Variants in DLEU7 observed in about 807,000 individuals in gnomAD.
DLEU7 encodes deleted in lymphocytic leukemia 7, also known as leukemia-associated protein 7.
DLEU7 carries 17 observed loss-of-function variants against 16.0 expected under a neutral mutation model. That is an observed-to-expected ratio of 1.06 (90% CI 0.73 to 1.59). The LOEUF is 1.59. Among genes scored for constraint, DLEU7 ranks in the 40% most tolerant of loss-of-function variants. The pLI is 0.00. For synonymous variants in DLEU7, 113 were observed against 139.8 expected (o/e 0.81, Z 1.35); for missense variants, 308 against 314.9 (o/e 0.98, Z 0.17).
chr13:50,776,707 T>A (rs1875507240), intron 1 of DLEU7, among the ~76,000 whole-genome samples: 1 of 152,200 alleles, frequency 6.6e-6, no homozygotes, highest in Admixed American at 6.5e-5. Context: ...TTTATCTCAC[T>A]CTTTAAAGAG....
intron 1 of DLEU7, among the ~76,000 whole-genome samples, chr13:50,835,256 A>G (rs1225942094): frequency 6.6e-6 from 1 of 152,236 alleles, no homozygotes; most frequent in African/African-American, 2.4e-5. Flanking sequence ...TGCCAGGTGC[A>G]GTAATGGCTC....
downstream of DLEU7, among the ~76,000 whole-genome samples, chr13:50,820,153 G>A (rs1876853197): frequency 6.6e-6 from 1 of 152,152 alleles, no homozygotes; most frequent in Non-Finnish European, 1.5e-5. Flanking sequence ...CAGTGAGACA[G>A]TCATCAGGAG....
At chr13:50,790,922 A>G (rs1875938760) in intron 1 of DLEU7, among the ~76,000 whole-genome samples, 1 of 152,164 alleles carries the variant, frequency 6.6e-6, no homozygotes, top group Non-Finnish European at 1.5e-5. Flanking sequence ...GAATAAGCTC[A>G]CTTCGGCTAT....
chr13:50,725,479 A>C (rs1160949973), intron 1 of DLEU7, among the ~76,000 whole-genome samples: 4 of 152,190 alleles, frequency 2.6e-5, no homozygotes, highest in African/African-American at 9.7e-5. Context: ...GGTCTGCCTC[A>C]GGTCTGAGCC....
intron 1 of DLEU7, among the ~76,000 whole-genome samples, chr13:50,762,207 A>AAAAAG (rs1566242431): frequency 1.6e-4 from 24 of 150,664 alleles, no homozygotes; most frequent in African/African-American, 4.7e-4. Flanking sequence ...AAAAAAAAAA[A>AAAAAG]AAAAGAAAAG....
chr13:50,808,406 A>G (rs1876458620), intron 1 of DLEU7: 1 of 152,204 alleles, frequency 6.6e-6, no homozygotes, highest in African/African-American at 2.4e-5. Flanking sequence ...ATTTAAGTAT[A>G]TATACTTATA....
chr13:50,724,234 G>T (rs1389901935), intron 1 of DLEU7, among the ~76,000 whole-genome samples: 1 of 152,152 alleles, frequency 6.6e-6, no homozygotes, highest in African/African-American at 2.4e-5. Context: ...GATGATAGTT[G>T]CTATCACTCT....
In DLEU7 at chr13:50,843,177, G is replaced by A; in HGVS notation, c.459+11C>T. On this transcript the variant is annotated intron_variant, in intron 1 of 1. Transcript: ENST00000504404. The surrounding 1 kb of genome is among the most constrained non-coding windows in gnomAD (Gnocchi z 5.7). ...CTGCACGCCAGAGGGGATGGCGGGG[G>A]CCAGACTCACCTTCAGGTGAATGGG... 1.3e-6 allele frequency: 2 copies of A among 1,587,628 alleles called. No individual in the cohort carries two copies. The highest frequency in any genetic ancestry group is 1.7e-6 in the Non-Finnish European group (2 of 1,168,352).
At chr13:50,743,174 A>AAGGCAGGCAGGCAGGC (rs376860642) in intron 1 of DLEU7, among the ~76,000 whole-genome samples, 1 of 129,444 alleles carries the variant, frequency 7.7e-6, no homozygotes, top group South Asian at 2.3e-4. Flanking sequence ...GAGAAAGAAA[A>AAGGCAGGCAGGCAGGC]AGGCAGGCAG....
chr13:50,762,269 C>A (rs990531035), intron 1 of DLEU7, among the ~76,000 whole-genome samples: 6 of 150,192 alleles, frequency 4.0e-5, no homozygotes, highest in African/African-American at 1.5e-4. Context: ...ATGTTTAGTT[C>A]TGTGTCTTCC....
In DLEU7 at chr13:50,843,057, C is replaced by G; in HGVS notation, c.459+131G>C. On this transcript the variant is annotated intron_variant, in intron 1 of 1. Transcript: ENST00000504404. This position sits in a 1 kb window ranked among gnomAD's most constrained non-coding sequence, Gnocchi z 5.7. The stretch of plus-strand genomic sequence containing the variant: ...GTCCCCCGCCCCCTTCCTTCTCCCA[C>G]TGGGGCTGAATCACAGTGGGCAGCA... 1.0e-6 allele frequency: 1 copy of G among 960,862 alleles called. No individual in the cohort carries two copies. The highest frequency in any genetic ancestry group is 3.3e-5 in the East Asian group (1 of 30,378). The allele number at this position is 960,862 out of a possible 1,614,324, so 59.5% of individuals were successfully genotyped here. A position where few individuals can be genotyped will look rare whatever the true frequency, so the allele number is the denominator to read the frequency against.
chr13:50,789,384 GTTTC>G (rs1381698466), intron 1 of DLEU7, among the ~76,000 whole-genome samples: 1 of 147,286 alleles, frequency 6.8e-6, no homozygotes, highest in African/African-American at 2.5e-5. Flanking sequence ...CAGTGTGAAT[GTTTC>G]TTTTTCTTTA....
intron 1 of DLEU7, among the ~76,000 whole-genome samples, chr13:50,815,097 G>A (rs1363925815): frequency 6.6e-6 from 1 of 152,046 alleles, no homozygotes; most frequent in Non-Finnish European, 1.5e-5. Context: ...TTTTTCACTT[G>A]TGACACAGGT....
chr13:50,718,964 A>C (rs937472696), intron 1 of DLEU7, among the ~76,000 whole-genome samples: 1 of 152,198 alleles, frequency 6.6e-6, no homozygotes. Flanking sequence ...TTCTGTAATG[A>C]GGTCTTCCCA....
At chr13:50,719,766 CAAGTTA>C (rs1873543955) in intron 1 of DLEU7, 1 of 152,152 alleles carries the variant, frequency 6.6e-6, no homozygotes, top group African/African-American at 2.4e-5. Context: ...GTTTAGTTAG[CAAGTTA>C]GAACTGTCTC....
intron 1 of DLEU7, among the ~76,000 whole-genome samples, chr13:50,753,194 A>T (rs1874633532): frequency 6.6e-6 from 1 of 152,186 alleles, no homozygotes; most frequent in African/African-American, 2.4e-5. Context: ...CCTTAGCTAG[A>T]CATAAAGGTT....
chr13:50,823,262 C>T lies in DLEU7; in HGVS notation c.*52G>A. On this transcript the variant is annotated 3_prime_UTR_variant, in exon 2 of 2. Transcript: ENST00000504404. The stretch of plus-strand genomic sequence containing the variant: ...TGACTCAATTAGGAAGGTAAGGTAT[C>T]TGGTTCTCTTAACAGTGCTGGCTGT... The T allele has an allele frequency of 6.5e-7, 1 of 1,528,172 alleles. No individual in the cohort carries two copies. The highest frequency in any genetic ancestry group is 8.8e-7 in the Non-Finnish European group (1 of 1,140,580). 94.7% of individuals were successfully genotyped at this position (1,528,172 alleles called of 1,614,324 possible). A position where few individuals can be genotyped will look rare whatever the true frequency, so the allele number is the denominator to read the frequency against.
At chr13:50,711,475 A>C (rs1873282327), downstream of DLEU7, 1 of 152,208 alleles carries the variant, frequency 6.6e-6, no homozygotes. Flanking sequence ...TCCATAAGAA[A>C]ATGAAGAAAA....
intron 1 of DLEU7, among the ~76,000 whole-genome samples, chr13:50,798,075 C>A (rs2137779177): frequency 6.6e-6 from 1 of 152,240 alleles, no homozygotes; most frequent in Non-Finnish European, 1.5e-5. Flanking sequence ...GTGGCACCAC[C>A]AAATAGGCCT....
Sources: allele counts gnomAD v4.1 joint callset (sites outside exome capture counted in the v4.1 genomes callset), GRCh38; gene constraint gnomAD v4.1.1; non-coding constraint Gnocchi (gnomAD v3.1); transcripts MANE v1.5; gene names NCBI Gene and HGNC (gene_info 2026-07-23, HGNC 2026-07-21).